Variants in OXCT1 observed in about 807,000 individuals in gnomAD.
The protein encoded by OXCT1 is succinyl-CoA:3-ketoacid coenzyme A transferase 1, mitochondrial.
In OXCT1, 27 loss-of-function variants were observed where a neutral mutation model predicts 69.6. The ratio of observed to expected loss-of-function variants is 0.39; its 90% CI spans 0.29 to 0.54. OXCT1 has a LOEUF of 0.54. Among genes scored for constraint, OXCT1 ranks in the 20% least tolerant of loss-of-function variants. OXCT1 has a pLI of 0.72. For synonymous variants in OXCT1, 202 were observed against 217.8 expected (o/e 0.93, Z 0.64); for missense variants, 437 against 650.2 (o/e 0.67, Z 3.57).
intron 1 of OXCT1, among the ~76,000 whole-genome samples, chr5:41,866,022 A>ACCCCCCCCCCC (rs61504704): frequency 8.6e-6 from 1 of 116,288 alleles, no homozygotes; most frequent in Non-Finnish European, 1.9e-5. Context: ...TGTACAGTAG[A>ACCCCCCCCCCC]CCCCCCCCCC....
At chr5:41,769,905 C>T (rs755034848) in intron 13 of OXCT1, among the ~76,000 whole-genome samples, 2 of 152,064 alleles carry the variant, frequency 1.3e-5, no homozygotes, top group Admixed American at 6.6e-5. Context: ...GTTACAGGCA[C>T]GCGCCCACCA....
intron 16 of OXCT1, among the ~76,000 whole-genome samples, chr5:41,734,027 G>A (rs1742768864): frequency 6.6e-6 from 1 of 152,174 alleles, no homozygotes; most frequent in African/African-American, 2.4e-5. Flanking sequence ...ATTCAATTAG[G>A]CAAGGAATGT....
chr5:41,747,040 C>A (rs1743528397), intron 15 of OXCT1, among the ~76,000 whole-genome samples: 1 of 152,140 alleles, frequency 6.6e-6, no homozygotes, highest in Admixed American at 6.6e-5. Flanking sequence ...TTTCTCCCCG[C>A]TTTACATAAA....
At chr5:41,864,300 C>T (rs1243432137) in intron 1 of OXCT1, among the ~76,000 whole-genome samples, 2 of 152,186 alleles carry the variant, frequency 1.3e-5, no homozygotes, top group East Asian at 1.9e-4. Context: ...CTCACATCCA[C>T]TGCCTAACAG....
intron 14 of OXCT1, among the ~76,000 whole-genome samples, chr5:41,759,143 C>T (rs897428223): frequency 1.3e-5 from 2 of 148,510 alleles, no homozygotes; most frequent in African/African-American, 2.5e-5. Context: ...GTGGGTGGGA[C>T]GCTGGTGCAG....
intron 15 of OXCT1, among the ~76,000 whole-genome samples, chr5:41,746,504 C>T (rs1360153352): frequency 6.6e-6 from 1 of 152,082 alleles, no homozygotes; most frequent in South Asian, 2.1e-4. Context: ...TTATTGAGCA[C>T]CTACTATGCA....
chr5:41,770,149 T>C (rs1744815584), intron 13 of OXCT1, among the ~76,000 whole-genome samples: 1 of 152,252 alleles, frequency 6.6e-6, no homozygotes, highest in Non-Finnish European at 1.5e-5. Context: ...TTTCACTATG[T>C]ATTTAAGTAA....
At chr5:41,782,168 T>C (rs1267082994) in intron 13 of OXCT1, among the ~76,000 whole-genome samples, 1 of 151,522 alleles carries the variant, frequency 6.6e-6, no homozygotes, top group Non-Finnish European at 1.5e-5. Context: ...AGTGAGATGG[T>C]ATCTCATTCT....
At chr5:41,757,962 AGTTTTAG>A (rs1006849832) in intron 14 of OXCT1, among the ~76,000 whole-genome samples, 17 of 152,224 alleles carry the variant, frequency 1.1e-4, no homozygotes, top group Middle Eastern at 6.8e-3. Flanking sequence ...ATCTAGCTTT[AGTTTTAG>A]ACTAGTCAAT....
At chr5:41,814,661 TG>T (rs1348381070) in intron 7 of OXCT1, among the ~76,000 whole-genome samples, 14 of 133,330 alleles carry the variant, frequency 1.1e-4, no homozygotes, top group Non-Finnish European at 2.1e-4. Context: ...CACTCATAGG[TG>T]GGAATTGAAC....
intron 7 of OXCT1, among the ~76,000 whole-genome samples, chr5:41,830,976 A>G (rs1748069184): frequency 6.6e-6 from 1 of 152,216 alleles, no homozygotes. Context: ...TTAGTGCTTA[A>G]GTCACCTGGT....
intron 1 of OXCT1, among the ~76,000 whole-genome samples, chr5:41,868,183 G>A (rs1412873165): frequency 1.3e-5 from 2 of 152,186 alleles, no homozygotes; most frequent in Non-Finnish European, 2.9e-5. Context: ...TAACTATCTC[G>A]TTTTAGCTGT....
chr5:41,865,256 A>G (rs914741072), intron 1 of OXCT1, among the ~76,000 whole-genome samples: 2 of 152,186 alleles, frequency 1.3e-5, no homozygotes, highest in African/African-American at 2.4e-5. Context: ...ATAAAAGCAT[A>G]TAACTACAGG....
chr5:41,799,045 T>G (rs1374592017), intron 11 of OXCT1, among the ~76,000 whole-genome samples: 2 of 152,222 alleles, frequency 1.3e-5, no homozygotes, highest in African/African-American at 2.4e-5. Context: ...CTAAGCCATG[T>G]AAAACTATAC....
intron 5 of OXCT1, among the ~76,000 whole-genome samples, chr5:41,848,349 C>T (rs1266115516): frequency 2.0e-5 from 3 of 147,962 alleles, no homozygotes; most frequent in Non-Finnish European, 3.0e-5. Context: ...TGAAAATGGC[C>T]ATACTGCCCA....
At chr5:41,830,418 T>C (rs1748040502) in intron 7 of OXCT1, among the ~76,000 whole-genome samples, 1 of 152,150 alleles carries the variant, frequency 6.6e-6, no homozygotes, top group African/African-American at 2.4e-5. Context: ...TCAAGAAGAT[T>C]AGGAACAGTT....
chr5:41,859,211 A>T (rs78002438), intron 3 of OXCT1, among the ~76,000 whole-genome samples: 2,487 of 152,262 alleles, frequency 0.016, 101 homozygotes, highest in South Asian at 0.079. Flanking sequence ...AGTAGTCCTT[A>T]TCTTACTTAA....
At chr5:41,848,263 C>G (rs1168211573) in intron 5 of OXCT1, among the ~76,000 whole-genome samples, 2 of 151,850 alleles carry the variant, frequency 1.3e-5, no homozygotes, top group Admixed American at 1.3e-4. Context: ...CTACAAACCA[C>G]TGCTCAAGGA....
intron 13 of OXCT1, among the ~76,000 whole-genome samples, chr5:41,777,081 C>T (rs1254316004): frequency 6.6e-6 from 1 of 152,116 alleles, no homozygotes; most frequent in Non-Finnish European, 1.5e-5. Context: ...AGATAGTCCT[C>T]ATCACCTAAA....
Sources: gnomAD v4.1 joint callset for allele counts (sites outside exome capture counted in the v4.1 genomes callset) on GRCh38, gnomAD v4.1.1 for gene constraint, MANE v1.5 for transcripts, NCBI Gene and HGNC (gene_info 2026-07-23, HGNC 2026-07-21) for gene names.